The following ENOX2 variants were observed in gnomAD, a reference collection of about 807,000 sequenced individuals.
The protein encoded by ENOX2 is ecto-NOX disulfide-thiol exchanger 2.
ENOX2 carries 36 observed loss-of-function variants against 45.0 expected under a neutral mutation model. That is an observed-to-expected ratio of 0.80 (90% CI 0.61 to 1.06). The LOEUF (loss-of-function observed/expected upper bound fraction) is 1.06. ENOX2 is among the 50% of genes least tolerant of loss of function. The probability of loss-of-function intolerance (pLI) is 0.00; values close to 1 mark genes in which losing one functional copy is unlikely to be tolerated. For missense variants in ENOX2, 423 were observed against 462.5 expected, an observed-to-expected ratio of 0.91 and a Z score of 0.78; for synonymous variants, 174 against 152.3, an observed-to-expected ratio of 1.14 and a Z score of -1.05.
chrX:130,808,715 A>T lies in ENOX2; in HGVS notation c.-182-25025T>A, dbSNP rs980807292. 2.2e-4 allele frequency among the ~76,000 whole-genome samples: 25 copies of T among 111,968 alleles called. 1 individual carries two copies. The highest frequency in any genetic ancestry group is 7.8e-4 in the African/African-American group (24 of 30,859). ...CTGGCAAACGTGATTTGGGTGGGAT[A>T]GCAAATAGCCTAGCAAGACTAAAAA... is the stretch of plus-strand genomic sequence containing the variant. On this transcript the variant is annotated intron_variant, in intron 2 of 14. Coordinates refer to ENST00000394363, the MANE Select transcript of ENOX2 (RefSeq NM_006375.4).
chrX:130,802,360 G>T (rs1038594675), intron 2 of ENOX2, among the ~76,000 whole-genome samples: 3 of 112,023 alleles, frequency 2.7e-5, no homozygotes, highest in African/African-American at 9.7e-5. Flanking sequence ...GAGAAGCTGG[G>T]GTTTACAGAA....
intron 2 of ENOX2, among the ~76,000 whole-genome samples, chrX:130,852,757 T>G (rs2078234705): frequency 9.0e-6 from 1 of 111,112 alleles, no homozygotes; most frequent in African/African-American, 3.3e-5. Context: ...TAACGTCAAC[T>G]AAATGATTGA....
chrX:130,764,534 T>C (rs1024633700), intron 3 of ENOX2, among the ~76,000 whole-genome samples: 1 of 104,022 alleles, frequency 9.6e-6, no homozygotes, highest in African/African-American at 3.6e-5. Context: ...AAAAGAAGAG[T>C]GTGTGTAGCA....
intron 10 of ENOX2, among the ~76,000 whole-genome samples, chrX:130,650,160 C>T (rs12836533): frequency 0.019 from 2,118 of 112,086 alleles, 43 homozygotes; most frequent in Admixed American, 0.082. Flanking sequence ...ACATGTCACA[C>T]GGAGATACAT....
intron 10 of ENOX2, among the ~76,000 whole-genome samples, chrX:130,639,362 C>T (rs1035142620): frequency 2.7e-5 from 3 of 111,748 alleles, no homozygotes; most frequent in African/African-American, 9.8e-5. Flanking sequence ...TGGGATAAAA[C>T]TGAGAAGCAC....
intron 3 of ENOX2, among the ~76,000 whole-genome samples, chrX:130,736,617 T>A (rs1245820144): frequency 6.3e-5 from 7 of 111,951 alleles, no homozygotes; most frequent in Non-Finnish European, 1.1e-4. Context: ...GGTGTAGCTA[T>A]GTTCTAATAA....
At chrX:130,800,338 T>C (rs931121170) in intron 2 of ENOX2, among the ~76,000 whole-genome samples, 2 of 97,290 alleles carry the variant, frequency 2.1e-5, no homozygotes, top group Non-Finnish European at 4.0e-5. Flanking sequence ...CAGCAATGAG[T>C]AGTCAAAAAA....
At chrX:130,810,855 G>A (rs1177333598) in intron 2 of ENOX2, among the ~76,000 whole-genome samples, 2 of 112,165 alleles carry the variant, frequency 1.8e-5, no homozygotes, top group East Asian at 2.8e-4. Flanking sequence ...ACAGTCCCAC[G>A]TTGCAAACCA....
At chrX:130,757,333 C>T (rs1346092073) in intron 3 of ENOX2, among the ~76,000 whole-genome samples, 5 of 112,020 alleles carry the variant, frequency 4.5e-5, no homozygotes, top group South Asian at 3.8e-4. Flanking sequence ...GGTCATGTAG[C>T]TAAGGAATAT....
intron 3 of ENOX2, among the ~76,000 whole-genome samples, chrX:130,755,408 C>T (rs2039330558): frequency 9.0e-6 from 1 of 111,059 alleles, no homozygotes; most frequent in Non-Finnish European, 1.9e-5. Context: ...CTGTTATTAT[C>T]ATATAAACAT....
intron 10 of ENOX2, among the ~76,000 whole-genome samples, chrX:130,642,215 A>C (rs1363845333): frequency 1.8e-5 from 2 of 111,833 alleles, no homozygotes; most frequent in East Asian, 5.6e-4. Flanking sequence ...AGTTGACTTC[A>C]ATTCTCACTG....
chrX:130,884,356 C>T (rs2078868270), intron 2 of ENOX2, among the ~76,000 whole-genome samples: 1 of 112,056 alleles, frequency 8.9e-6, no homozygotes. Flanking sequence ...CAGATTATAA[C>T]AATACTTGCT....
intron 2 of ENOX2, among the ~76,000 whole-genome samples, chrX:130,848,996 T>C (rs761865860): frequency 4.6e-4 from 51 of 111,634 alleles, no homozygotes; most frequent in Non-Finnish European, 7.2e-4. Flanking sequence ...AAAGAAACCA[T>C]AGCAAGAAGC....
chrX:130,806,924 A>C (rs923182556), intron 2 of ENOX2, among the ~76,000 whole-genome samples: 1 of 112,442 alleles, frequency 8.9e-6, no homozygotes, highest in Non-Finnish European at 1.9e-5. Context: ...TTAAGTGTTA[A>C]ACTGGTCTCA....
chrX:130,802,025 C>T (rs1050633067), intron 2 of ENOX2, among the ~76,000 whole-genome samples: 4 of 112,046 alleles, frequency 3.6e-5, no homozygotes, highest in South Asian at 3.8e-4. Flanking sequence ...TGCAGAAAAT[C>T]ACTTAAATAC....
At chrX:130,684,284 G>A (rs771551074) in intron 5 of ENOX2, among the ~76,000 whole-genome samples, 1 of 112,219 alleles carries the variant, frequency 8.9e-6, no homozygotes, top group South Asian at 3.7e-4. Context: ...TACACACAAG[G>A]AGGTTGAGAC....
In ENOX2 at chrX:130,635,105, C is replaced by A; in HGVS notation, c.1312-14G>T. On this transcript the variant is annotated splice_polypyrimidine_tract_variant and intron_variant, in intron 11 of 14. Transcript: ENST00000394363. ...TTTGAGTAGATGCTACAAGAAAAGA[C>A]CAAAGACAATCAATTTATGAATTAC... The A allele has an allele frequency of 1.0e-6, 1 of 962,551 alleles. No homozygotes were observed. Among genetic ancestry groups the A allele is most frequent in the South Asian group, 2.1e-5 (1 of 46,635 alleles). 79.3% of individuals were successfully genotyped at this position (962,551 alleles called of 1,213,427 possible).
chrX:130,843,365 G>T (rs112679109), intron 2 of ENOX2, among the ~76,000 whole-genome samples: 3 of 111,526 alleles, frequency 2.7e-5, no homozygotes, highest in African/African-American at 9.8e-5. Context: ...GAAGATTATT[G>T]CAATAACTGC....
At chrX:130,834,798 T>C (rs1028215889) in intron 2 of ENOX2, among the ~76,000 whole-genome samples, 3 of 111,523 alleles carry the variant, frequency 2.7e-5, no homozygotes, top group African/African-American at 9.8e-5. Flanking sequence ...AATAAAATGT[T>C]ATAAGAAATT....
Sources: gnomAD v4.1 joint callset for allele counts (sites outside exome capture counted in the v4.1 genomes callset) on GRCh38, gnomAD v4.1.1 for gene constraint, MANE v1.5 for transcripts, NCBI Gene and HGNC (gene_info 2026-07-23, HGNC 2026-07-21) for gene names.